CNNM1: variants seen among roughly 807,000 people sequenced by gnomAD.
CNNM1 encodes cyclin and CBS domain divalent metal cation transport mediator 1.
Under a neutral mutation model 78.8 loss-of-function variants are expected in CNNM1, and 44 were observed. The ratio of observed to expected loss-of-function variants is 0.56; its 90% CI spans 0.44 to 0.72. The LOEUF (loss-of-function observed/expected upper bound fraction) is 0.72, where lower values mean the gene tolerates loss of function less well. Ranked by LOEUF, CNNM1 falls within the 30% of genes least tolerant of loss-of-function variation. The probability of loss-of-function intolerance (pLI) is 0.00; values close to 1 mark genes in which losing one functional copy is unlikely to be tolerated. For synonymous variants in CNNM1, 584 were observed against 581.5 expected, an observed-to-expected ratio of 1.00 and a Z score of -0.06; for missense variants, 1,101 against 1,292.2, an observed-to-expected ratio of 0.85 and a Z score of 2.27.
chr10:99,377,722 T>C (rs1440683446), intron 7 of CNNM1, among the ~76,000 whole-genome samples: 1 of 152,234 alleles, frequency 6.6e-6, no homozygotes, highest in Non-Finnish European at 1.5e-5. Flanking sequence ...CCTTAAAGTC[T>C]AAAACACAAC....
intron 7 of CNNM1, among the ~76,000 whole-genome samples, chr10:99,379,589 G>T (rs1423423121): frequency 1.3e-5 from 2 of 151,988 alleles, no homozygotes; most frequent in African/African-American, 4.8e-5. Context: ...GTATCACCTG[G>T]TATCTTTAGG....
At chr10:99,346,373 C>T (rs1420383984) in intron 1 of CNNM1, among the ~76,000 whole-genome samples, 1 of 152,194 alleles carries the variant, frequency 6.6e-6, no homozygotes, top group Non-Finnish European at 1.5e-5. Context: ...TCCTCAGTCT[C>T]CTTTACTGGT....
intron 1 of CNNM1, among the ~76,000 whole-genome samples, chr10:99,353,079 C>T (rs1409188762): frequency 6.6e-6 from 1 of 151,898 alleles, no homozygotes; most frequent in African/African-American, 2.4e-5. Flanking sequence ...TATTTGTTGA[C>T]TTCTCAATGT....
At chr10:99,350,808 CT>C (rs1564944216) in intron 1 of CNNM1, among the ~76,000 whole-genome samples, 1 of 152,146 alleles carries the variant, frequency 6.6e-6, no homozygotes, top group African/African-American at 2.4e-5. Context: ...CCCCACCCCC[CT>C]AATAGGCCAG....
In CNNM1 at chr10:99,331,036, C is replaced by G. The variant is rs2029891748; in HGVS notation, c.1573+76C>G. On this transcript the variant is annotated intron_variant, in intron 1 of 10. Transcript: ENST00000356713. ...TATCCTTTCCTAACCACGTGAGGCT[C>G]TAGGTACCCAAAGCAATTTCTCTCC... The G allele has an allele frequency of 4.3e-6, 6 of 1,410,014 alleles. No homozygotes were observed. In the African/African-American group the frequency reaches 4.3e-5, roughly 10 times the overall value. 87.3% of individuals were successfully genotyped at this position (1,410,014 alleles called of 1,614,324 possible). A position where few individuals can be genotyped will look rare whatever the true frequency, so the allele number is the denominator to read the frequency against.
rs759568931 is a variant in CNNM1, at chr10:99,330,379, G to C, written c.992G>C (p.Cys331Ser). The change falls in exon 1 of 11, where the codon TGC (cysteine) becomes TCC (serine). Residue 331 changes from cysteine to serine, a missense_variant. Cys to Ser is a moderately radical substitution (Grantham distance 112, BLOSUM62 -1). Transcript: ENST00000356713. ...TTCCCGTGGCTGCCGGCGCTCGTGTGCACCGGCGCGGTATTCCTGGGCGCC... is the reference window on the plus strand; with the variant it reads ...TTCCCGTGGCTGCCGGCGCTCGTGTCCACCGGCGCGGTATTCCTGGGCGCC... ...IHFPWLPALV[C>S]TGAVFLGAEI... The C allele has an allele frequency of 5.0e-6, 8 of 1,596,132 alleles. No individual in the cohort carries two copies. Among genetic ancestry groups the C allele is most frequent in the African/African-American group, 1.3e-5 (1 of 74,618 alleles).
chr10:99,376,761 G>T (rs1414187197), intron 6 of CNNM1, among the ~76,000 whole-genome samples: 1 of 152,142 alleles, frequency 6.6e-6, no homozygotes, highest in African/African-American at 2.4e-5. Context: ...AGATGCTCCA[G>T]CTCCTCACTG....
Position 99,330,005 on chromosome 10 carries a change from C to G in CNNM1, c.618C>G (p.Arg206=), listed in dbSNP as rs1850566907. The change falls in exon 1 of 11, where the codon CGC becomes CGG. Residue 206 remains arginine (R), a synonymous_variant. Transcript: ENST00000356713. ...HHGAAGGFLL[R]VRPRLYGPGG... ...GCGCCGCCGGCGGCTTCCTGCTGCG[C>G]GTTCGCCCGCGGTTGTACGGCCCAG... 2.8e-6 allele frequency: 4 copies of G among 1,408,688 alleles called. No individual in the cohort carries two copies. Among genetic ancestry groups the G allele is most frequent in the Non-Finnish European group, 3.7e-6 (4 of 1,093,742 alleles). 87.3% of individuals were successfully genotyped at this position (1,408,688 alleles called of 1,614,324 possible). A position where few individuals can be genotyped will look rare whatever the true frequency, so the allele number is the denominator to read the frequency against.
intron 6 of CNNM1, among the ~76,000 whole-genome samples, chr10:99,368,902 G>T (rs958638493): frequency 1.2e-4 from 18 of 152,170 alleles, no homozygotes; most frequent in African/African-American, 4.3e-4. Flanking sequence ...ATGTATCTGT[G>T]TATGCACATG....
intron 1 of CNNM1, among the ~76,000 whole-genome samples, chr10:99,339,280 G>T (rs1488273260): frequency 6.6e-6 from 1 of 152,168 alleles, no homozygotes; most frequent in African/African-American, 2.4e-5. Context: ...CCTGCTTTGG[G>T]CCAGGCATTA....
At chr10:99,331,867 T>G (rs981407115) in intron 1 of CNNM1, among the ~76,000 whole-genome samples, 2 of 152,170 alleles carry the variant, frequency 1.3e-5, no homozygotes, top group Non-Finnish European at 2.9e-5. Flanking sequence ...CCTAGAAAAC[T>G]TGCATACCCA....
intron 1 of CNNM1, among the ~76,000 whole-genome samples, chr10:99,350,807 C>G (rs191091316): frequency 4.6e-5 from 7 of 152,138 alleles, no homozygotes; most frequent in African/African-American, 9.7e-5. Flanking sequence ...ACCCCACCCC[C>G]CTAATAGGCC....
intron 8 of CNNM1, 56 bp from the exon 9 acceptor site, chr10:99,388,096 C>CT (rs2032363451): frequency 1.2e-6 from 2 of 1,605,710 alleles, no homozygotes; most frequent in Admixed American, 3.4e-5. Context: ...CTCACACCAC[C>CT]TGAGCCCTGG....
chr10:99,361,119 G>A, intron 3 of CNNM1, 144 bp downstream of exon 3: 1 of 890,184 alleles, frequency 1.1e-6, no homozygotes. Flanking sequence ...GGTTGCCTTA[G>A]ACAGGGTAAT....
Position 99,391,466 on chromosome 10 carries a change from G to A in CNNM1, c.2806G>A (p.Gly936Arg). 1 of 1,613,988 alleles carries A rather than the reference G, an allele frequency of 6.2e-7. No individual in the cohort carries two copies. The highest frequency in any genetic ancestry group is 8.5e-7 in the Non-Finnish European group (1 of 1,179,862). ...CCAAAAAAGGAAGAGGTCACCAGAAGGAGAGAGAACCTCTGAGGACAACTC... is the reference window on the plus strand; with the variant it reads ...CCAAAAAAGGAAGAGGTCACCAGAAAGAGAGAGAACCTCTGAGGACAACTC... ...SGQKRKRSPE[G>R]ERTSEDNSNL... is the part of the protein sequence containing the mutation. The change falls in exon 11 of 11, where the codon GGA (glycine) becomes AGA (arginine). Residue 936 changes from glycine to arginine, a missense_variant. Gly to Arg is a moderately radical substitution (Grantham distance 125, BLOSUM62 -2). Coordinates refer to ENST00000356713, the MANE Select transcript of CNNM1 (RefSeq NM_020348.3).
chr10:99,336,933 C>T (rs1218649718), intron 1 of CNNM1, among the ~76,000 whole-genome samples: 2 of 151,976 alleles, frequency 1.3e-5, no homozygotes, highest in East Asian at 3.9e-4. Context: ...AGAATGAGAC[C>T]CTGTCTCAAA....
intron 6 of CNNM1, among the ~76,000 whole-genome samples, chr10:99,366,797 T>G (rs970989993): frequency 2.6e-5 from 4 of 152,200 alleles, no homozygotes; most frequent in African/African-American, 7.2e-5. Context: ...AAAATTGTTT[T>G]AAGTAGAAGG....
intron 7 of CNNM1, among the ~76,000 whole-genome samples, chr10:99,382,318 A>G (rs1310689222): frequency 2.0e-5 from 3 of 152,208 alleles, no homozygotes; most frequent in Admixed American, 2.0e-4. Flanking sequence ...GTTTTTTGAA[A>G]TGTGTTCTGT....
At position 99,358,402 on chromosome 10, in the gene CNNM1, G is replaced by A. The variant is rs116110717; in HGVS notation, c.1717+747G>A. On this transcript the variant is annotated intron_variant, in intron 2 of 10. Transcript: ENST00000356713. ...GATTGGAATGTTATCTAAGTCCATG[G>A]GAGTCCCTAGGCTGGGAAGTGTTTC... Among the ~76,000 whole-genome samples the A allele has an allele frequency of 3.6e-3, 546 of 152,282 alleles. 1 individual carries two copies. The highest frequency in any genetic ancestry group is 0.012 in the African/African-American group (506 of 41,560).
Sources: gnomAD v4.1 joint callset for allele counts (sites outside exome capture counted in the v4.1 genomes callset) on GRCh38, gnomAD v4.1.1 for gene constraint, MANE v1.5 for transcripts, NCBI Gene and HGNC (gene_info 2026-07-23, HGNC 2026-07-21) for gene names.